NRXN1: variants seen among roughly 807,000 people sequenced by gnomAD.
NRXN1 encodes the protein neurexin-1.
In NRXN1, 39 loss-of-function variants were observed where a neutral mutation model predicts 150.9. The ratio of observed to expected loss-of-function variants is 0.26; its 90% CI spans 0.20 to 0.34. NRXN1 has a LOEUF of 0.34. Among genes scored for constraint, NRXN1 ranks in the 10% least tolerant of loss-of-function variants. The probability of loss-of-function intolerance (pLI) is 1.00; values close to 1 mark genes in which losing one functional copy is unlikely to be tolerated. For synonymous variants in NRXN1, 924 were observed against 757.0 expected, an observed-to-expected ratio of 1.22 and a Z score of -3.62; for missense variants, 1,815 against 1,949.9, an observed-to-expected ratio of 0.93 and a Z score of 1.30.
chr2:50,568,253 A>G (rs12713110), intron 8 of NRXN1, among the ~76,000 whole-genome samples: 65,350 of 151,984 alleles, frequency 0.43, 16,599 homozygotes, highest in African/African-American at 0.71. Flanking sequence ...CTTGAATAAT[A>G]CCCCATAAAC....
At position 50,472,286 on chromosome 2, in the gene NRXN1, A is replaced by G. The variant is rs1163067448; in HGVS notation, c.3244+12T>C. On this transcript the variant is annotated intron_variant, in intron 16 of 22. Transcript: ENST00000401669. Reference sequence around the variant, plus strand: ...TAGAATTATTTAGAGCATGATGACAAAAATCTAATACCTTCACATCCTCTC... The same window carrying G: ...TAGAATTATTTAGAGCATGATGACAGAAATCTAATACCTTCACATCCTCTC... The G allele has an allele frequency of 6.5e-7, 1 of 1,532,634 alleles. No homozygotes were observed. The highest frequency in any genetic ancestry group is 1.4e-5 in the African/African-American group (1 of 72,248). 94.9% of individuals were successfully genotyped at this position (1,532,634 alleles called of 1,614,324 possible).
At chr2:50,034,549 C>G (rs1227157759) in intron 21 of NRXN1, among the ~76,000 whole-genome samples, 1 of 151,834 alleles carries the variant, frequency 6.6e-6, no homozygotes, top group Non-Finnish European at 1.5e-5. Flanking sequence ...GGGTATTAGG[C>G]TTAATACCTG....
intron 12 of NRXN1, 74 bp from the exon 13 acceptor site, chr2:50,506,691 G>C: frequency 6.6e-7 from 1 of 1,505,898 alleles, no homozygotes; most frequent in Non-Finnish European, 9.1e-7. Context: ...GAGAGTGAGA[G>C]AAAGAGACAA....
intron 17 of NRXN1, among the ~76,000 whole-genome samples, chr2:50,272,310 C>T (rs1221988498): frequency 2.0e-5 from 3 of 152,062 alleles, no homozygotes; most frequent in African/African-American, 7.2e-5. Flanking sequence ...GTGGAGACAG[C>T]CACAGGAAAA....
At chr2:50,876,676 C>T (rs1574796394) in intron 5 of NRXN1, among the ~76,000 whole-genome samples, 1 of 151,764 alleles carries the variant, frequency 6.6e-6, no homozygotes, top group South Asian at 2.1e-4. Context: ...ATCAAATATG[C>T]CAGTTTATCA....
At chr2:50,571,196 A>G (rs1200518058) in intron 8 of NRXN1, among the ~76,000 whole-genome samples, 2 of 152,144 alleles carry the variant, frequency 1.3e-5, no homozygotes, top group Non-Finnish European at 2.9e-5. Context: ...GCAATATAAA[A>G]TGTTTCCCAC....
chr2:50,757,886 AG>A (rs1192684680), intron 5 of NRXN1: 1 of 151,686 alleles, frequency 6.6e-6, no homozygotes, highest in African/African-American at 2.4e-5. Flanking sequence ...TCCTCTCTTG[AG>A]GGCCACCAGT....
rs1188685637 is a variant in NRXN1 at position 50,515,601 on chromosome 2, GT to G, written c.2375-8985del. On this transcript the variant is annotated intron_variant, in intron 12 of 22. Transcript: ENST00000401669. ...TAGAAACATTCATTAAATGCTTGGG[GT>G]GTGTGTGTGTGTGTGTGTGTGTGTG... Among the ~76,000 whole-genome samples the G allele has an allele frequency of 7.0e-3, 171 of 24,348 alleles. 1 individual carries two copies. The highest frequency in any genetic ancestry group is 0.025 in the African/African-American group (37 of 1,472). The allele number at this position is 24,348 out of a possible 152,430, so 16.0% of individuals were successfully genotyped here. A position where few individuals can be genotyped will look rare whatever the true frequency, so the allele number is the denominator to read the frequency against.
intron 16 of NRXN1, among the ~76,000 whole-genome samples, chr2:50,468,738 C>T (rs1252525134): frequency 2.0e-5 from 3 of 151,118 alleles, no homozygotes; most frequent in Non-Finnish European, 1.5e-5. Flanking sequence ...AGGTGTGGGA[C>T]TTTAGGAATG....
intron 5 of NRXN1, among the ~76,000 whole-genome samples, chr2:50,651,472 A>AACATG (rs59984890): frequency 0.11 from 16,524 of 149,550 alleles, 1,005 homozygotes; most frequent in Middle Eastern, 0.2. Flanking sequence ...AACATAACGT[A>AACATG]ACATGACATG....
In NRXN1 at chr2:50,583,456, C is replaced by G. The variant is rs1672606647; in HGVS notation, c.1321-30431G>C. Reference sequence around the variant, plus strand: ...ATTCTTACAGCACCAAGGGTGTACTCCTATCATAGAATGACAATGAACTGT... The same window carrying G: ...ATTCTTACAGCACCAAGGGTGTACTGCTATCATAGAATGACAATGAACTGT... On this transcript the variant is annotated intron_variant, in intron 8 of 22. Transcript: ENST00000401669. Among the ~76,000 whole-genome samples, 3 of 152,188 alleles carry G rather than the reference C, an allele frequency of 2.0e-5. No homozygotes were observed. The South Asian group carries it at 6.2e-4, about 32-fold the overall frequency.
chr2:50,680,727 C>T (rs1690258618), intron 5 of NRXN1, among the ~76,000 whole-genome samples: 1 of 151,130 alleles, frequency 6.6e-6, no homozygotes, highest in African/African-American at 2.4e-5. Context: ...GAATTTCCTT[C>T]TTTGGATAAC....
At chr2:49,952,237 C>G (rs1035235815) in intron 21 of NRXN1, among the ~76,000 whole-genome samples, 1 of 151,886 alleles carries the variant, frequency 6.6e-6, no homozygotes, top group Non-Finnish European at 1.5e-5. Flanking sequence ...ATGTGATTTA[C>G]GAAGATACAT....
chr2:50,679,047 G>A (rs906347968), intron 5 of NRXN1, among the ~76,000 whole-genome samples: 4 of 151,974 alleles, frequency 2.6e-5, no homozygotes, highest in African/African-American at 2.4e-5. Flanking sequence ...ACCACAGATT[G>A]GTAGCTCTTG....
chr2:50,556,503 GA>G (rs1229887599), intron 8 of NRXN1, among the ~76,000 whole-genome samples: 2 of 140,846 alleles, frequency 1.4e-5, no homozygotes, highest in Non-Finnish European at 3.1e-5. Context: ...TGGGGACATT[GA>G]TTTTTTTTTT....
intron 5 of NRXN1, among the ~76,000 whole-genome samples, chr2:50,810,160 C>T (rs1668018328): frequency 6.6e-6 from 1 of 152,120 alleles, no homozygotes; most frequent in Admixed American, 6.6e-5. Flanking sequence ...CATCTGTTGG[C>T]TTGAGTACAA....
rs1232899198 is a variant in NRXN1, at chr2:50,731,075, C to G, written c.833-107460G>C. 7.2e-5 allele frequency among the ~76,000 whole-genome samples: 11 copies of G among 152,278 alleles called. 1 individual carries two copies. The South Asian group carries it at 2.3e-3, about 32-fold the overall frequency. On this transcript the variant is annotated intron_variant, in intron 5 of 22. Transcript: ENST00000401669. The stretch of plus-strand genomic sequence containing the variant: ...ACTAATTACAATCTTCTTTAAACTT[C>G]TGATATTGATTTCTGGCTTTATTTT...
At chr2:50,815,977 TCTC>T (rs1367085883) in intron 5 of NRXN1, among the ~76,000 whole-genome samples, 1 of 152,116 alleles carries the variant, frequency 6.6e-6, no homozygotes, top group Non-Finnish European at 1.5e-5. Flanking sequence ...GTCTGTGTGT[TCTC>T]CTTCACCACA....
At chr2:50,036,504 G>T (rs1263543987) in intron 21 of NRXN1, among the ~76,000 whole-genome samples, 1 of 152,100 alleles carries the variant, frequency 6.6e-6, no homozygotes, top group Non-Finnish European at 1.5e-5. Flanking sequence ...TGACAAATCT[G>T]TATACACATT....
Sources: gnomAD v4.1 joint callset for allele counts (sites outside exome capture counted in the v4.1 genomes callset) on GRCh38, gnomAD v4.1.1 for gene constraint, MANE v1.5 for transcripts, NCBI Gene and HGNC (gene_info 2026-07-23, HGNC 2026-07-21) for gene names.